KIRREL1: variants seen among roughly 807,000 people sequenced by gnomAD.
The protein encoded by KIRREL1 is kirre like nephrin family adhesion molecule 1.
In KIRREL1, 25 loss-of-function variants were observed where a neutral mutation model predicts 83.3. The observed-to-expected ratio is 0.30, with a 90% CI of 0.22 to 0.42. The LOEUF (loss-of-function observed/expected upper bound fraction) is 0.42. Ranked by LOEUF, KIRREL1 falls within the 10% of genes least tolerant of loss-of-function variation. The pLI is 1.00. For synonymous variants in KIRREL1, 388 were observed against 410.4 expected (o/e 0.95, Z 0.66); for missense variants, 812 against 1,032.3 (o/e 0.79, Z 2.92).
chr1:158,026,865 AC>A (rs557713667), intron 1 of KIRREL1, among the ~76,000 whole-genome samples: 4 of 151,688 alleles, frequency 2.6e-5, no homozygotes, highest in East Asian at 1.9e-4. Context: ...TCTGCTCTGC[AC>A]CCCCCCACCC....
intron 1 of KIRREL1, among the ~76,000 whole-genome samples, chr1:158,042,212 GGTGT>G (rs10577493): frequency 0.041 from 5,668 of 137,258 alleles, 178 homozygotes; most frequent in African/African-American, 0.09. Context: ...TCTTCTCCAG[GGTGT>G]GTGTGTGTGT....
chr1:158,096,308 A>G lies in KIRREL1; in HGVS notation c.*1188A>G. On this transcript the variant is annotated 3_prime_UTR_variant, in exon 15 of 15. Transcript: ENST00000359209. ...CTCAGTCTCTACTCTCCTATGTCCC[A>G]TCAGTTGGTTGGAGGCCACCTTCCA... 5.8e-6 allele frequency: 2 copies of G among 346,746 alleles called. No individual in the cohort carries two copies. The highest frequency in any genetic ancestry group is 1.1e-5 in the Non-Finnish European group (2 of 177,332). 21.5% of individuals were successfully genotyped at this position (346,746 alleles called of 1,614,324 possible). A position where few individuals can be genotyped will look rare whatever the true frequency, so the allele number is the denominator to read the frequency against.
Position 158,007,895 on chromosome 1 carries a change from C to T in KIRREL1, c.52+14167C>T, listed in dbSNP as rs374374965. ...CCCTGTCTGTTGGTCTGTCACTCTG[C>T]AGGAGTGAAGTGCGCCCTGCTCCTG... On this transcript the variant is annotated intron_variant, in intron 1 of 14. Coordinates refer to ENST00000359209, the MANE Select transcript of KIRREL1 (RefSeq NM_018240.7). Among the ~76,000 whole-genome samples, 18 of 152,136 alleles carry T rather than the reference C, an allele frequency of 1.2e-4. No homozygotes were observed. In the South Asian group the frequency reaches 3.7e-3, roughly 32 times the overall value.
At chr1:158,063,681 T>TC (rs1248098746) in intron 1 of KIRREL1, among the ~76,000 whole-genome samples, 1 of 152,232 alleles carries the variant, frequency 6.6e-6, no homozygotes, top group Non-Finnish European at 1.5e-5. Flanking sequence ...GGCCTCACTT[T>TC]CCCAACTTCA....
intron 1 of KIRREL1, among the ~76,000 whole-genome samples, chr1:158,045,610 C>T (rs1660758648): frequency 6.6e-6 from 1 of 152,206 alleles, no homozygotes; most frequent in Non-Finnish European, 1.5e-5. Flanking sequence ...AGACGTTTCA[C>T]CCACCCTGCA....
chr1:158,056,945 G>A (rs1661081411), intron 1 of KIRREL1, among the ~76,000 whole-genome samples: 1 of 152,070 alleles, frequency 6.6e-6, no homozygotes, highest in Non-Finnish European at 1.5e-5. Context: ...GGATATGGAG[G>A]TGCCATATCC....
rs547426078 is a variant in KIRREL1 at position 158,048,043 on chromosome 1, C to T, written c.53-28070C>T. Among the ~76,000 whole-genome samples, 8 of 152,306 alleles carry T rather than the reference C, an allele frequency of 5.3e-5. No homozygotes were observed. In the East Asian group the frequency reaches 1.4e-3, roughly 26 times the overall value. ...AACCTTTCTCTTTTGCCTGATCTTA[C>T]ATCACATTCTCTTACTTTAAGAAGA... On this transcript the variant is annotated intron_variant, in intron 1 of 14. Transcript: ENST00000359209.
intron 1 of KIRREL1, among the ~76,000 whole-genome samples, chr1:158,054,790 T>A (rs935506169): frequency 2.2e-4 from 33 of 152,308 alleles, no homozygotes; most frequent in Admixed American, 2.2e-3. Context: ...CTCAATTCTG[T>A]TCAATTCAAC....
chr1:158,038,413 G>C (rs1190907389), intron 1 of KIRREL1, among the ~76,000 whole-genome samples: 1 of 150,656 alleles, frequency 6.6e-6, no homozygotes, highest in African/African-American at 2.4e-5. Flanking sequence ...TGAGTGTTAT[G>C]ATGTTAAAGA....
chr1:158,069,033 C>T (rs1661433858), intron 1 of KIRREL1, among the ~76,000 whole-genome samples: 2 of 152,132 alleles, frequency 1.3e-5, no homozygotes, highest in Admixed American at 6.5e-5. Flanking sequence ...GCCTGTCCTC[C>T]ACCACCCCCT....
intron 3 of KIRREL1, among the ~76,000 whole-genome samples, chr1:158,083,648 G>C (rs568280568): frequency 1.5e-4 from 23 of 152,156 alleles, no homozygotes; most frequent in Non-Finnish European, 2.4e-4. Flanking sequence ...ACTGTAATAG[G>C]CCAGCCCATC....
rs1178736440 is a variant in KIRREL1 at position 158,086,710 on chromosome 1, A to G, written c.625A>G (p.Ser209Gly). The G allele has an allele frequency of 3.2e-6, 5 of 1,551,224 alleles. No individual in the cohort carries two copies. The East Asian group carries it at 1.2e-4, about 38-fold the overall frequency. ...TCRSMNEAIPSGKETSIELDV... is the reference protein window; with the variant it reads ...TCRSMNEAIPGGKETSIELDV... ...CCGAAGCATGAACGAAGCCATCCCT[A>G]GTGGCAAGGAGACTTCCATCGAGCT... The change falls in exon 5 of 15, where the codon AGT (serine) becomes GGT (glycine). Residue 209 changes from serine to glycine, a missense_variant. By Grantham distance (56) the Ser-to-Gly change is moderately conservative. Transcript: ENST00000359209.
intron 1 of KIRREL1, among the ~76,000 whole-genome samples, chr1:158,007,208 TC>T (rs1370461854): frequency 6.6e-6 from 1 of 152,018 alleles, no homozygotes; most frequent in Non-Finnish European, 1.5e-5. Context: ...CCTATAAAGA[TC>T]ATTTAAATAA....
At chr1:158,018,607 A>G (rs556510078) in intron 1 of KIRREL1, among the ~76,000 whole-genome samples, 1 of 152,304 alleles carries the variant, frequency 6.6e-6, no homozygotes, top group African/African-American at 2.4e-5. Context: ...GGCGAAAGCA[A>G]AAAGTAGCAT....
At chr1:158,070,925 A>G (rs1454417174) in intron 1 of KIRREL1, among the ~76,000 whole-genome samples, 1 of 151,978 alleles carries the variant, frequency 6.6e-6, no homozygotes, top group Non-Finnish European at 1.5e-5. Context: ...ACCTAATTAG[A>G]CTATTCACCT....
rs141581750 is a variant in KIRREL1 at position 158,029,965 on chromosome 1, T to C, written c.52+36237T>C. ...AAAACTACAAGAAAAATAGTGAAAATAACTCTCTCCCATCATTATCTTCTA... is the reference window on the plus strand; with the variant it reads ...AAAACTACAAGAAAAATAGTGAAAACAACTCTCTCCCATCATTATCTTCTA... On this transcript the variant is annotated intron_variant, in intron 1 of 14. Coordinates refer to ENST00000359209, the MANE Select transcript of KIRREL1 (RefSeq NM_018240.7). Among the ~76,000 whole-genome samples, 3 of 152,304 alleles carry C rather than the reference T, an allele frequency of 2.0e-5. No individual in the cohort carries two copies. In the East Asian group the frequency reaches 5.8e-4, roughly 29 times the overall value.
At chr1:158,064,479 T>C (rs1661308269) in intron 1 of KIRREL1, among the ~76,000 whole-genome samples, 1 of 152,158 alleles carries the variant, frequency 6.6e-6, no homozygotes, top group Non-Finnish European at 1.5e-5. Flanking sequence ...AAATTTATGG[T>C]GTGTAAATAG....
At chr1:158,080,352 G>T (rs1474479899) in intron 3 of KIRREL1, among the ~76,000 whole-genome samples, 1 of 152,164 alleles carries the variant, frequency 6.6e-6, no homozygotes, top group African/African-American at 2.4e-5. Flanking sequence ...TCTTATAATG[G>T]CACCCAGTGG....
chr1:158,043,335 A>C (rs1327656076), intron 1 of KIRREL1, among the ~76,000 whole-genome samples: 1 of 152,168 alleles, frequency 6.6e-6, no homozygotes, highest in East Asian at 1.9e-4. Context: ...TTATGGAAAG[A>C]GTGGCGTAAG....
Sources: allele counts gnomAD v4.1 joint callset (sites outside exome capture counted in the v4.1 genomes callset), GRCh38; gene constraint gnomAD v4.1.1; transcripts MANE v1.5; gene names NCBI Gene and HGNC (gene_info 2026-07-23, HGNC 2026-07-21).